RBPMS: variants seen among roughly 807,000 people sequenced by gnomAD.
RBPMS encodes the protein RNA binding protein, mRNA processing factor.
Under a neutral mutation model 26.8 loss-of-function variants are expected in RBPMS, and 7 were observed. The observed-to-expected ratio is 0.26, with a 90% CI of 0.15 to 0.49. The LOEUF (loss-of-function observed/expected upper bound fraction) is 0.49, where lower values mean the gene tolerates loss of function less well. Ranked by LOEUF, RBPMS falls within the 20% of genes least tolerant of loss-of-function variation. The probability of loss-of-function intolerance (pLI) is 0.98; values close to 1 mark genes in which losing one functional copy is unlikely to be tolerated. For missense variants in RBPMS, 186 were observed against 250.0 expected (o/e 0.74, Z 1.73); for synonymous variants, 96 against 93.3 (o/e 1.03, Z -0.17).
intron 4 of RBPMS, among the ~76,000 whole-genome samples, chr8:30,502,744 G>T (rs1820691027): frequency 6.6e-6 from 1 of 152,110 alleles, no homozygotes; most frequent in Non-Finnish European, 1.5e-5. Context: ...GTGGAAGTTG[G>T]TCCACCTCAG....
chr8:30,558,508 C>G (rs1361135382), intron 6 of RBPMS: 3 of 341,878 alleles, frequency 8.8e-6, no homozygotes, highest in African/African-American at 2.1e-5. Context: ...TGTTTCCACA[C>G]TCTGCTTAGA....
At chr8:30,558,630 T>C (rs931854680) in intron 6 of RBPMS, 13 of 571,282 alleles carry the variant, frequency 2.3e-5, no homozygotes, top group Admixed American at 1.7e-4. Flanking sequence ...AGCAGAGGAG[T>C]TGGTGGAACC....
intron 6 of RBPMS, among the ~76,000 whole-genome samples, chr8:30,549,780 C>CTCTCTCTCTT (rs1554543880): frequency 1.1e-5 from 1 of 94,088 alleles, no homozygotes; most frequent in African/African-American, 5.1e-5. Context: ...TCTTCTCTCT[C>CTCTCTCTCTT]TCTCTCTCTC....
intron 5 of RBPMS, among the ~76,000 whole-genome samples, chr8:30,505,810 CA>C (rs746624342): frequency 1.2e-4 from 18 of 152,124 alleles, no homozygotes; most frequent in Admixed American, 2.6e-4. Flanking sequence ...ACTGTAGATG[CA>C]TTTGTATGCC....
At chr8:30,531,750 A>T (rs2151013600) in intron 5 of RBPMS, among the ~76,000 whole-genome samples, 1 of 152,312 alleles carries the variant, frequency 6.6e-6, no homozygotes, top group East Asian at 1.9e-4. Context: ...GGGCCTTGTT[A>T]TGGTTGTTCT....
At chr8:30,568,371 C>T (rs1358544083) in intron 8 of RBPMS, among the ~76,000 whole-genome samples, 4 of 152,268 alleles carry the variant, frequency 2.6e-5, no homozygotes, top group Non-Finnish European at 4.4e-5. Flanking sequence ...GGCATCGGAC[C>T]GAGACCCTGA....
intron 5 of RBPMS, among the ~76,000 whole-genome samples, chr8:30,539,102 T>G (rs1825114978): frequency 6.6e-6 from 1 of 152,144 alleles, no homozygotes; most frequent in Non-Finnish European, 1.5e-5. Flanking sequence ...GCTAACAGAA[T>G]CCTTGATTTA....
At chr8:30,481,517 G>T (rs1351686091) in intron 4 of RBPMS, among the ~76,000 whole-genome samples, 1 of 151,680 alleles carries the variant, frequency 6.6e-6, no homozygotes, top group African/African-American at 2.4e-5. Flanking sequence ...CTGGTTTTAG[G>T]TTATTCTTCT....
At chr8:30,421,172 AGTGTGT>A (rs1043847023) in intron 1 of RBPMS, among the ~76,000 whole-genome samples, 2 of 150,490 alleles carry the variant, frequency 1.3e-5, no homozygotes. Flanking sequence ...TGTGAGAGAG[AGTGTGT>A]GTGTGTGAGT....
At chr8:30,539,879 G>A (rs922624716) in intron 5 of RBPMS, among the ~76,000 whole-genome samples, 9 of 152,062 alleles carry the variant, frequency 5.9e-5, no homozygotes, top group Admixed American at 3.9e-4. Flanking sequence ...ACCCACCTCC[G>A]CCTCCCAAAG....
intron 5 of RBPMS, among the ~76,000 whole-genome samples, chr8:30,539,403 A>C (rs1825142455): frequency 6.6e-6 from 1 of 152,132 alleles, no homozygotes; most frequent in Admixed American, 6.5e-5. Flanking sequence ...ACTATGAGAC[A>C]AGAGGCATGA....
At chr8:30,450,204 A>G (rs1321744930) in intron 1 of RBPMS, among the ~76,000 whole-genome samples, 1 of 152,238 alleles carries the variant, frequency 6.6e-6, no homozygotes, top group Non-Finnish European at 1.5e-5. Flanking sequence ...GAGCATAGTA[A>G]CTAGTTGGCA....
intron 1 of RBPMS, among the ~76,000 whole-genome samples, chr8:30,465,206 C>T (rs1408725773): frequency 6.6e-6 from 1 of 152,146 alleles, no homozygotes; most frequent in East Asian, 1.9e-4. Flanking sequence ...AGTGAATTTC[C>T]TAATATCAAG....
At chr8:30,542,917 C>T (rs1295951632) in intron 5 of RBPMS, among the ~76,000 whole-genome samples, 1 of 152,150 alleles carries the variant, frequency 6.6e-6, no homozygotes, top group African/African-American at 2.4e-5. Context: ...ATGCTGTGGA[C>T]CTGATCATTT....
intron 1 of RBPMS, among the ~76,000 whole-genome samples, chr8:30,471,347 A>G (rs1473037475): frequency 6.6e-6 from 1 of 152,186 alleles, no homozygotes; most frequent in Non-Finnish European, 1.5e-5. Context: ...TAATCCCCAG[A>G]TTTCAAGTAA....
At chr8:30,411,868 C>G (rs569497911) in intron 1 of RBPMS, among the ~76,000 whole-genome samples, 40 of 151,900 alleles carry the variant, frequency 2.6e-4, no homozygotes, top group Non-Finnish European at 5.3e-4. Flanking sequence ...TGCCTGTAAT[C>G]CCAGCTACTC....
At chr8:30,440,809 T>A (rs1585469355) in intron 1 of RBPMS, among the ~76,000 whole-genome samples, 1 of 145,750 alleles carries the variant, frequency 6.9e-6, no homozygotes, top group African/African-American at 2.5e-5. Context: ...TTTTTTTTTT[T>A]AAGAGATAGG....
intron 1 of RBPMS, among the ~76,000 whole-genome samples, chr8:30,392,997 C>T (rs1457102353): frequency 6.6e-6 from 1 of 151,680 alleles, no homozygotes; most frequent in Non-Finnish European, 1.5e-5. Flanking sequence ...TTCTAGGAAA[C>T]GTTGTGAGGG....
chr8:30,431,030 G>A (rs1811867641), intron 1 of RBPMS, among the ~76,000 whole-genome samples: 1 of 152,190 alleles, frequency 6.6e-6, no homozygotes, highest in Admixed American at 6.5e-5. Context: ...GTTTTCAGAT[G>A]TATTCTTTAT....
Sources: gnomAD v4.1 joint callset for allele counts (sites outside exome capture counted in the v4.1 genomes callset) on GRCh38, gnomAD v4.1.1 for gene constraint, MANE v1.5 for transcripts, NCBI Gene and HGNC (gene_info 2026-07-23, HGNC 2026-07-21) for gene names.